Variants in KIF6 observed in about 807,000 individuals in gnomAD.
The protein encoded by KIF6 is kinesin-like protein KIF6.
In KIF6, 106 loss-of-function variants were observed where a neutral mutation model predicts 112.7. The observed-to-expected ratio is 0.94, with a 90% CI of 0.80 to 1.11. The LOEUF (loss-of-function observed/expected upper bound fraction) is 1.11. KIF6 is among the 50% of genes least tolerant of loss of function. The pLI is 0.00. For missense variants in KIF6, 929 were observed against 964.0 expected (o/e 0.96, Z 0.48); for synonymous variants, 339 against 339.9 (o/e 1.00, Z 0.03).
intron 7 of KIF6, among the ~76,000 whole-genome samples, chr6:39,591,256 T>A (rs974911999): frequency 2.6e-5 from 4 of 152,206 alleles, no homozygotes; most frequent in African/African-American, 9.7e-5. Context: ...GCAATTCCTA[T>A]GTCCTCTCTA....
At chr6:39,630,090 T>C (rs1784281392) in intron 5 of KIF6, among the ~76,000 whole-genome samples, 1 of 152,112 alleles carries the variant, frequency 6.6e-6, no homozygotes, top group Non-Finnish European at 1.5e-5. Context: ...TTACCATCTT[T>C]ATAGTATGTC....
At chr6:39,366,389 G>A (rs1026557150) in intron 16 of KIF6, among the ~76,000 whole-genome samples, 2 of 152,198 alleles carry the variant, frequency 1.3e-5, no homozygotes, top group African/African-American at 4.8e-5. Flanking sequence ...TGTTTATCGA[G>A]CATTGACTAT....
chr6:39,615,047 GC>G (rs1432169923), intron 5 of KIF6, among the ~76,000 whole-genome samples: 2 of 152,088 alleles, frequency 1.3e-5, no homozygotes, highest in African/African-American at 4.8e-5. Context: ...AGTGGCTCAA[GC>G]TTGTAATCCC....
chr6:39,443,755 A>G (rs958462440), intron 13 of KIF6, among the ~76,000 whole-genome samples: 2 of 152,122 alleles, frequency 1.3e-5, no homozygotes, highest in East Asian at 3.9e-4. Context: ...ATTTTCATAC[A>G]TTTTAAAAAG....
intron 10 of KIF6, among the ~76,000 whole-genome samples, chr6:39,569,564 A>G (rs1780532480): frequency 2.0e-5 from 3 of 152,254 alleles, no homozygotes. Flanking sequence ...TGATTAGCCA[A>G]TAAAAAAATT....
intron 13 of KIF6, among the ~76,000 whole-genome samples, chr6:39,462,568 G>T (rs1239406256): frequency 6.6e-6 from 1 of 152,104 alleles, no homozygotes; most frequent in African/African-American, 2.4e-5. Context: ...ATGATGGGCT[G>T]GGAAGAGAGC....
intron 15 of KIF6, among the ~76,000 whole-genome samples, chr6:39,405,717 G>A (rs1295983586): frequency 6.6e-6 from 1 of 152,170 alleles, no homozygotes; most frequent in Non-Finnish European, 1.5e-5. Flanking sequence ...GAATTGGGAA[G>A]TGTTCCCTCT....
At chr6:39,553,612 G>T (rs1779517585) in intron 10 of KIF6, among the ~76,000 whole-genome samples, 1 of 152,240 alleles carries the variant, frequency 6.6e-6, no homozygotes, top group Admixed American at 6.5e-5. Flanking sequence ...TATTTTACAA[G>T]GTCCTTTAAA....
At chr6:39,539,713 C>T (rs1778675825) in intron 13 of KIF6, among the ~76,000 whole-genome samples, 1 of 152,168 alleles carries the variant, frequency 6.6e-6, no homozygotes, top group Admixed American at 6.5e-5. Context: ...GCCTCGTCAT[C>T]ATATCAGCAA....
At chr6:39,695,981 A>G (rs1265696597) in intron 3 of KIF6, among the ~76,000 whole-genome samples, 6 of 152,224 alleles carry the variant, frequency 3.9e-5, no homozygotes, top group Admixed American at 6.5e-5. Context: ...AAAGAATGAA[A>G]TCATGTCCTT....
chr6:39,664,101 C>T (rs1050483930), intron 3 of KIF6, among the ~76,000 whole-genome samples: 9 of 152,008 alleles, frequency 5.9e-5, no homozygotes, highest in Non-Finnish European at 8.8e-5. Context: ...TATGATTTCA[C>T]GTGGTGATAA....
At chr6:39,716,661 CAG>C (rs1194614480) in intron 2 of KIF6, among the ~76,000 whole-genome samples, 1 of 152,176 alleles carries the variant, frequency 6.6e-6, no homozygotes, top group African/African-American at 2.4e-5. Flanking sequence ...AGTAATTACT[CAG>C]AGTCTTAGAG....
In KIF6 at chr6:39,343,485, G is replaced by A. The variant is rs564783495; in HGVS notation, c.2428+224C>T. The A allele has an allele frequency of 5.6e-5, 84 of 1,487,868 alleles. No individual in the cohort carries two copies. In the African/African-American group the frequency reaches 9.6e-4, roughly 17 times the overall value. The allele number at this position is 1,487,868 out of a possible 1,614,324, so 92.2% of individuals were successfully genotyped here. A position where few individuals can be genotyped will look rare whatever the true frequency, so the allele number is the denominator to read the frequency against. ...CTGCCAAGAGGGACAGGAGCACCTG[G>A]GCCGCCCACCCACTTGGGCCTGTCT... On this transcript the variant is annotated intron_variant, in intron 22 of 22. Coordinates refer to ENST00000287152, the MANE Select transcript of KIF6 (RefSeq NM_145027.6). This position sits in a 1 kb window ranked among gnomAD's most constrained non-coding sequence, Gnocchi z 4.1.
chr6:39,644,754 T>C (rs1037165968), intron 3 of KIF6, among the ~76,000 whole-genome samples: 1 of 152,134 alleles, frequency 6.6e-6, no homozygotes, highest in African/African-American at 2.4e-5. Flanking sequence ...TGATTGATGG[T>C]GGCACATTTG....
chr6:39,454,246 A>G (rs1417687722), intron 13 of KIF6, among the ~76,000 whole-genome samples: 1 of 152,190 alleles, frequency 6.6e-6, no homozygotes, highest in African/African-American at 2.4e-5. Context: ...AATCAGAGAA[A>G]GTCACTCAAA....
chr6:39,644,693 TAC>T (rs1469234259), intron 3 of KIF6, among the ~76,000 whole-genome samples: 1 of 152,156 alleles, frequency 6.6e-6, no homozygotes, highest in Non-Finnish European at 1.5e-5. Context: ...ATGGCTATGG[TAC>T]AGAGCTTCTT....
In KIF6 at chr6:39,334,602, C is replaced by T. The variant is rs762340388; in HGVS notation, c.*1930G>A. On this transcript the variant is annotated 3_prime_UTR_variant, in exon 23 of 23. Transcript: ENST00000287152. ...CACCCCAGCCTGGCTGACAGAGACC[C>T]CCCCCATCTCAAAAAATAAATAAAA... 3 of 152,058 alleles carry T rather than the reference C, an allele frequency of 2.0e-5. No individual in the cohort carries two copies. The highest frequency in any genetic ancestry group is 1.9e-4 in the East Asian group (1 of 5,180). The allele number at this position is 152,058 out of a possible 1,614,324, so 9.4% of individuals were successfully genotyped here. A position where few individuals can be genotyped will look rare whatever the true frequency, so the allele number is the denominator to read the frequency against.
chr6:39,487,838 G>C (rs542394090), intron 13 of KIF6, among the ~76,000 whole-genome samples: 45 of 152,264 alleles, frequency 3.0e-4, no homozygotes, highest in Admixed American at 4.6e-4. Context: ...TAAAATTTCA[G>C]ATTTATTCCT....
intron 13 of KIF6, among the ~76,000 whole-genome samples, chr6:39,440,135 G>C (rs774401206): frequency 1.3e-5 from 2 of 152,078 alleles, no homozygotes; most frequent in African/African-American, 2.4e-5. Flanking sequence ...CAGTGAGAAG[G>C]GGGGTGGATT....
Sources: allele counts gnomAD v4.1 joint callset (sites outside exome capture counted in the v4.1 genomes callset), GRCh38; gene constraint gnomAD v4.1.1; non-coding constraint Gnocchi (gnomAD v3.1); transcripts MANE v1.5; gene names NCBI Gene and HGNC (gene_info 2026-07-23, HGNC 2026-07-21).